Variants in AGBL4 observed in about 807,000 individuals in gnomAD.
The protein encoded by AGBL4 is cytosolic carboxypeptidase 6.
In AGBL4, 58 loss-of-function variants were observed where a neutral mutation model predicts 66.4. The observed-to-expected ratio is 0.87, with a 90% CI of 0.71 to 1.09. AGBL4 has a LOEUF of 1.09. Among genes scored for constraint, AGBL4 ranks in the 50% least tolerant of loss-of-function variants. The pLI is 0.00. For synonymous variants in AGBL4, 234 were observed against 222.9 expected (o/e 1.05, Z -0.44); for missense variants, 579 against 631.0 (o/e 0.92, Z 0.88).
intron 6 of AGBL4, among the ~76,000 whole-genome samples, chr1:48,783,193 G>A (rs187468021): frequency 1.8e-3 from 274 of 152,288 alleles, no homozygotes; most frequent in Middle Eastern, 3.4e-3. Context: ...AGGAAGGAAC[G>A]TTGATACATG....
At chr1:49,231,943 T>C (rs1486616577) in intron 4 of AGBL4, among the ~76,000 whole-genome samples, 1 of 152,208 alleles carries the variant, frequency 6.6e-6, no homozygotes, top group African/African-American at 2.4e-5. Flanking sequence ...TGTTAAGTGT[T>C]CTGAGCACAT....
chr1:49,125,710 C>T (rs931792675), intron 4 of AGBL4, among the ~76,000 whole-genome samples: 4 of 152,124 alleles, frequency 2.6e-5, no homozygotes, highest in African/African-American at 9.7e-5. Context: ...CACAGTGATG[C>T]AAGCAGTATT....
chr1:48,812,641 C>T (rs1646078326), intron 6 of AGBL4, among the ~76,000 whole-genome samples: 1 of 152,152 alleles, frequency 6.6e-6, no homozygotes, highest in South Asian at 2.1e-4. Flanking sequence ...AATCATGCTG[C>T]TATAAAGACA....
intron 4 of AGBL4, among the ~76,000 whole-genome samples, chr1:49,242,764 GA>G (rs1651336011): frequency 6.6e-6 from 1 of 152,006 alleles, no homozygotes; most frequent in Admixed American, 6.6e-5. Context: ...AAAACAGGCA[GA>G]AAACTTCTGA....
chr1:48,978,121 T>C (rs1659485007), intron 5 of AGBL4, among the ~76,000 whole-genome samples: 1 of 152,022 alleles, frequency 6.6e-6, no homozygotes, highest in Non-Finnish European at 1.5e-5. Flanking sequence ...TAGTTGCATC[T>C]TATAAGGTGA....
intron 3 of AGBL4, among the ~76,000 whole-genome samples, chr1:49,692,613 G>A (rs905405567): frequency 6.6e-6 from 1 of 152,024 alleles, no homozygotes; most frequent in African/African-American, 2.4e-5. Flanking sequence ...AGCTGCTCAG[G>A]AGGATGAGGC....
intron 5 of AGBL4, among the ~76,000 whole-genome samples, chr1:48,989,343 C>T (rs142647983): frequency 1.3e-5 from 2 of 152,148 alleles, no homozygotes; most frequent in Admixed American, 1.3e-4. Flanking sequence ...GTATCCATCA[C>T]CTTAAGCATT....
At chr1:49,021,485 C>A (rs1395871463) in intron 5 of AGBL4, among the ~76,000 whole-genome samples, 1 of 151,950 alleles carries the variant, frequency 6.6e-6, no homozygotes, top group Admixed American at 6.6e-5. Flanking sequence ...GGGATTAGTG[C>A]CTTTAAAAGG....
intron 5 of AGBL4, among the ~76,000 whole-genome samples, chr1:49,035,411 A>C (rs1664559896): frequency 6.6e-6 from 1 of 152,132 alleles, no homozygotes; most frequent in Non-Finnish European, 1.5e-5. Context: ...AAGAAAGTAC[A>C]CTTGGAGGAG....
At chr1:49,636,058 TC>T (rs1403212599) in intron 3 of AGBL4, among the ~76,000 whole-genome samples, 1 of 152,186 alleles carries the variant, frequency 6.6e-6, no homozygotes, top group Non-Finnish European at 1.5e-5. Context: ...TAGGGCTGTA[TC>T]TCTGTTAATT....
chr1:49,386,497 C>T (rs984828112), intron 3 of AGBL4, among the ~76,000 whole-genome samples: 10 of 151,696 alleles, frequency 6.6e-5, no homozygotes, highest in African/African-American at 9.7e-5. Flanking sequence ...AATGTGTATA[C>T]GTAAGGAGAA....
chr1:49,691,765 C>T (rs1032386316), intron 3 of AGBL4, among the ~76,000 whole-genome samples: 3 of 151,996 alleles, frequency 2.0e-5, no homozygotes, highest in Non-Finnish European at 4.4e-5. Flanking sequence ...TAATCAGCTG[C>T]CAGTGTGGCT....
intron 3 of AGBL4, among the ~76,000 whole-genome samples, chr1:49,633,887 T>C (rs1048592278): frequency 1.3e-4 from 15 of 115,040 alleles, no homozygotes; most frequent in African/African-American, 3.8e-4. Flanking sequence ...TGAAATATAT[T>C]ATTGTAATAT....
intron 5 of AGBL4, among the ~76,000 whole-genome samples, chr1:49,003,135 C>T (rs1056817888): frequency 3.3e-5 from 5 of 152,186 alleles, no homozygotes; most frequent in African/African-American, 1.2e-4. Flanking sequence ...CGTTGGTGCA[C>T]GCCTGTAATT....
At chr1:49,721,138 G>C (rs990429025) in intron 2 of AGBL4, among the ~76,000 whole-genome samples, 1 of 152,082 alleles carries the variant, frequency 6.6e-6, no homozygotes, top group East Asian at 1.9e-4. Context: ...GCACCAATCA[G>C]AAAGATCCTC....
chr1:48,810,623 T>C (rs1191267897), intron 6 of AGBL4, among the ~76,000 whole-genome samples: 1 of 152,214 alleles, frequency 6.6e-6, no homozygotes, highest in African/African-American at 2.4e-5. Flanking sequence ...AGGTACTCAG[T>C]AGATGGAAGC....
chr1:49,264,392 C>G (rs1653524886), intron 3 of AGBL4, among the ~76,000 whole-genome samples: 1 of 152,058 alleles, frequency 6.6e-6, no homozygotes, highest in African/African-American at 2.4e-5. Flanking sequence ...AAACGGTTAG[C>G]AAGTTGTGCC....
At chr1:49,727,347 T>G (rs17105748) in intron 2 of AGBL4, among the ~76,000 whole-genome samples, 9,410 of 151,916 alleles carry the variant, frequency 0.062, 796 homozygotes, top group African/African-American at 0.19. Context: ...GATATATATA[T>G]AGAGAGAAAA....
At chr1:49,958,749 G>A (rs554422283) in intron 1 of AGBL4, among the ~76,000 whole-genome samples, 2 of 151,250 alleles carry the variant, frequency 1.3e-5, no homozygotes, top group Admixed American at 6.6e-5. Flanking sequence ...TGTATATGAC[G>A]ATTTAATGGG....
Sources: gnomAD v4.1 joint callset for allele counts (sites outside exome capture counted in the v4.1 genomes callset) on GRCh38, gnomAD v4.1.1 for gene constraint, MANE v1.5 for transcripts, NCBI Gene and HGNC (gene_info 2026-07-23, HGNC 2026-07-21) for gene names.